The following STRA6 variants were observed in gnomAD, a reference collection of about 807,000 sequenced individuals.
STRA6 encodes the protein receptor for retinol uptake STRA6.
Under a neutral mutation model 83.6 loss-of-function variants are expected in STRA6, and 48 were observed. The observed-to-expected ratio is 0.57, with a 90% CI of 0.46 to 0.73. The LOEUF (loss-of-function observed/expected upper bound fraction) is 0.73, where lower values mean the gene tolerates loss of function less well. STRA6 is among the 30% of genes least tolerant of loss of function. The pLI, the probability that STRA6 is intolerant of heterozygous loss-of-function variation, is 0.00. For missense variants in STRA6, 760 were observed against 838.8 expected (o/e 0.91, Z 1.16); for synonymous variants, 353 against 362.3 (o/e 0.97, Z 0.29).
chr15:74,182,479 G>A lies in STRA6; in HGVS notation c.1301-19C>T, dbSNP rs751959698. 3 of 1,588,522 alleles carry A rather than the reference G, an allele frequency of 1.9e-6. No homozygotes were observed. Among genetic ancestry groups the A allele is most frequent in the Non-Finnish European group, 2.6e-6 (3 of 1,166,454 alleles). On this transcript the variant is annotated intron_variant, in intron 14 of 18. Transcript: ENST00000395105. ...AGGAGCCCTGCCAGGGGCGGGAGTG[G>A]CAGGGGGACAGAAAACAGGTTCCAT... is the stretch of plus-strand genomic sequence containing the variant.
intron 12 of STRA6, 65 bp from the exon 13 acceptor site, chr15:74,185,120 A>G: frequency 6.5e-7 from 1 of 1,531,230 alleles, no homozygotes; most frequent in East Asian, 2.3e-5. Flanking sequence ...AGGCCTCAGA[A>G]CCCCTGCCAG....
chr15:74,200,175 G>A (rs2073992772), intron 2 of STRA6, among the ~76,000 whole-genome samples: 1 of 152,172 alleles, frequency 6.6e-6, no homozygotes, highest in African/African-American at 2.4e-5. Context: ...AGCCAAGATC[G>A]CACCACTGCA....
At chr15:74,199,048 G>T (rs1338484754) in intron 2 of STRA6, among the ~76,000 whole-genome samples, 1 of 152,234 alleles carries the variant, frequency 6.6e-6, no homozygotes, top group Admixed American at 6.5e-5. Context: ...GGGAGAGCCA[G>T]AGGGAGGGTG....
rs1480965495 is a variant in STRA6, at chr15:74,191,427, C to T, written c.785G>A (p.Ser262Asn). Residue 262 changes from serine (S) to asparagine (N), a missense_variant, in exon 9 of 19, where the codon AGC becomes AAC. By Grantham distance (46) the Ser-to-Asn change is conservative. Coordinates refer to ENST00000395105, the MANE Select transcript of STRA6 (RefSeq NM_022369.4). ...RNLLCRKKLG[S>N]SYHTSKHGFL... is the part of the protein sequence containing the mutation. The stretch of plus-strand genomic sequence containing the variant: ...AAGGGTGTGTCAGAGACCCCACCTG[C>T]TTCCCAGCTTCTTCCTGCAAAGGAG... The T allele has an allele frequency of 6.2e-7, 1 of 1,614,160 alleles. No individual in the cohort carries two copies.
intron 2 of STRA6, 43 bp downstream of exon 2, chr15:74,202,112 T>C (rs752772612): frequency 6.2e-6 from 9 of 1,450,568 alleles, no homozygotes; most frequent in Non-Finnish European, 8.2e-6. Flanking sequence ...CATCACCCCA[T>C]TCTGATGGCT....
intron 4 of STRA6, chr15:74,196,348 G>A (rs2073822103): frequency 1.2e-6 from 1 of 812,172 alleles, no homozygotes; most frequent in South Asian, 1.7e-5. Context: ...GTGCCAAAGG[G>A]ACTTGGGACA....
In STRA6 at chr15:74,197,428, A is replaced by C; in HGVS notation, c.181-5T>G. 6.5e-7 allele frequency: 1 copy of C among 1,550,162 alleles called. No homozygotes were observed. The highest frequency in any genetic ancestry group is 8.7e-7 in the Non-Finnish European group (1 of 1,146,716). ...CAGGAGCAGCAGCACAAGGATCTGA[A>C]AGGAGAGTGCAGAGGAGGGCTTGGG... On this transcript the variant is annotated splice_polypyrimidine_tract_variant and splice_region_variant and intron_variant, in intron 3 of 18. Coordinates refer to ENST00000395105, the MANE Select transcript of STRA6 (RefSeq NM_022369.4).
upstream of STRA6, among the ~76,000 whole-genome samples, chr15:74,211,829 C>A (rs1233372586): frequency 6.6e-6 from 1 of 152,090 alleles, no homozygotes; most frequent in Non-Finnish European, 1.5e-5. Flanking sequence ...AGTCTCCCTC[C>A]TTTCCTTCTG....
At chr15:74,192,021 T>C in intron 8 of STRA6, 1 of 173,356 alleles carries the variant, frequency 5.8e-6, no homozygotes, top group East Asian at 1.5e-4. Context: ...CAGAGGCCCA[T>C]GGGAAGATGG....
At position 74,208,665 on chromosome 15, in the gene STRA6, G is replaced by A. The variant is rs985343859; in HGVS notation, c.-16+135C>T. 3.1e-6 allele frequency: 3 copies of A among 971,042 alleles called. No individual in the cohort carries two copies. The African/African-American group carries it at 5.3e-5, about 17-fold the overall frequency. 60.2% of individuals were successfully genotyped at this position (971,042 alleles called of 1,614,324 possible). On this transcript the variant is annotated intron_variant, in intron 1 of 18. Transcript: ENST00000323940. ...AAACTTACTCATCAGAATTGCTCCA[G>A]CCCATCACTCTGCTCACTTCCTGCC...
intron 5 of STRA6, 72 bp from the exon 6 acceptor site, chr15:74,195,747 G>T: frequency 1.1e-6 from 1 of 926,610 alleles, no homozygotes; most frequent in Non-Finnish European, 1.7e-6. Context: ...TGCTTAGCAT[G>T]GTGCCTGAGC....
chr15:74,198,568 C>T (rs551494603), intron 2 of STRA6, among the ~76,000 whole-genome samples: 3 of 152,328 alleles, frequency 2.0e-5, no homozygotes, highest in East Asian at 3.9e-4. Context: ...CCCTGTGATT[C>T]GCCCTCTACT....
At chr15:74,190,600 C>T (rs938524521) in intron 11 of STRA6, among the ~76,000 whole-genome samples, 1 of 152,162 alleles carries the variant, frequency 6.6e-6, no homozygotes, top group African/African-American at 2.4e-5. Flanking sequence ...AATAGTGGAG[C>T]TAGGATTTAA....
At chr15:74,203,190 A>G (rs2074163900), upstream of STRA6, 6 of 982,550 alleles carry the variant, frequency 6.1e-6, no homozygotes, top group Non-Finnish European at 7.2e-6. Flanking sequence ...AGGAGGCAAC[A>G]TGTGTCTCAT....
intron 13 of STRA6, 56 bp downstream of exon 13, chr15:74,184,924 A>G (rs1157658583): frequency 1.3e-6 from 2 of 1,568,066 alleles, no homozygotes; most frequent in African/African-American, 1.4e-5. Context: ...GCAGGCCCAC[A>G]GGACTCCCAC....
Position 74,188,181 on chromosome 15 carries a change from C to T in STRA6, c.1090+934G>A, listed in dbSNP as rs1041500111. 2.0e-5 allele frequency among the ~76,000 whole-genome samples: 3 copies of T among 152,172 alleles called. No homozygotes were observed. Among genetic ancestry groups the T allele is most frequent in the Non-Finnish European group, 4.4e-5 (3 of 68,022 alleles). On this transcript the variant is annotated intron_variant, in intron 12 of 18. Transcript: ENST00000395105. This position sits in a 1 kb window ranked among gnomAD's most constrained non-coding sequence, Gnocchi z 4.5. ...TCACTCCGTGCACCTCTGCCCACCC[C>T]CCACTCCCTGCCCCGCCATGACCAG...
chr15:74,196,164 G>C lies in STRA6; in HGVS notation c.267-17C>G. On this transcript the variant is annotated splice_polypyrimidine_tract_variant and intron_variant, in intron 4 of 18. Transcript: ENST00000395105. Reference sequence around the variant, plus strand: ...TCCACAGGGCTAGCACAGAGGCAAGGACAGGGCAGGAGGGAGTTGCTCAGC... The same window carrying C: ...TCCACAGGGCTAGCACAGAGGCAAGCACAGGGCAGGAGGGAGTTGCTCAGC... 6.2e-7 allele frequency: 1 copy of C among 1,613,042 alleles called. No individual in the cohort carries two copies. Among genetic ancestry groups the C allele is most frequent in the Non-Finnish European group, 8.5e-7 (1 of 1,179,928 alleles).
chr15:74,207,154 G>A (rs1032722345), upstream of STRA6, among the ~76,000 whole-genome samples: 3 of 152,266 alleles, frequency 2.0e-5, no homozygotes, highest in South Asian at 6.2e-4. Context: ...AGAGGCCCAC[G>A]TGCATTTCTG....
At chr15:74,182,519 C>A in intron 14 of STRA6, 59 bp from the exon 15 acceptor site, 1 of 1,415,042 alleles carries the variant, frequency 7.1e-7, no homozygotes, top group Non-Finnish European at 9.8e-7. Context: ...ACTGGCCATC[C>A]CCGCTGCCCC....
Sources: allele counts gnomAD v4.1 joint callset (sites outside exome capture counted in the v4.1 genomes callset), GRCh38; gene constraint gnomAD v4.1.1; non-coding constraint Gnocchi (gnomAD v3.1); transcripts MANE v1.5; gene names NCBI Gene and HGNC (gene_info 2026-07-23, HGNC 2026-07-21).